The following FMN1 variants were observed in gnomAD, a reference collection of about 807,000 sequenced individuals.
The protein encoded by FMN1 is formin-1.
Under a neutral mutation model 132.4 loss-of-function variants are expected in FMN1, and 110 were observed. That is an observed-to-expected ratio of 0.83 (90% CI 0.71 to 0.97). FMN1 has a LOEUF of 0.97. FMN1 is among the 50% of genes least tolerant of loss of function. The pLI, the probability that FMN1 is intolerant of heterozygous loss-of-function variation, is 0.00. For missense variants in FMN1, 1,792 were observed against 1,705.3 expected, an observed-to-expected ratio of 1.05 and a Z score of -0.90; for synonymous variants, 722 against 651.7, an observed-to-expected ratio of 1.11 and a Z score of -1.64.
intron 5 of FMN1, among the ~76,000 whole-genome samples, chr15:33,072,932 A>C (rs559381257): frequency 5.1e-4 from 78 of 152,014 alleles, no homozygotes; most frequent in African/African-American, 1.3e-3. Context: ...CAAAAAAAAA[A>C]AAAAACAAAA....
chr15:32,995,213 G>A (rs903453110), intron 7 of FMN1, among the ~76,000 whole-genome samples: 5 of 152,104 alleles, frequency 3.3e-5, no homozygotes, highest in Non-Finnish European at 5.9e-5. Flanking sequence ...ATCAAAACAA[G>A]TAGAAGTGTA....
chr15:32,964,367 C>T (rs138422006), intron 8 of FMN1, 110 bp from the exon 9 acceptor site: 1 of 796,244 alleles, frequency 1.3e-6, no homozygotes, highest in East Asian at 2.5e-5. Context: ...TAAAAAAACA[C>T]ATAAAACTCT....
chr15:33,157,402 T>C (rs1595579631), intron 3 of FMN1, among the ~76,000 whole-genome samples: 1 of 152,170 alleles, frequency 6.6e-6, no homozygotes, highest in Non-Finnish European at 1.5e-5. Context: ...TATATTTTCA[T>C]TTTGTTATCT....
At chr15:33,017,813 C>T (rs1470202980) in intron 6 of FMN1, among the ~76,000 whole-genome samples, 1 of 147,570 alleles carries the variant, frequency 6.8e-6, no homozygotes, top group Admixed American at 6.7e-5. Context: ...GCCCGTAATC[C>T]CAGCACTTTG....
intron 4 of FMN1, among the ~76,000 whole-genome samples, chr15:33,126,912 G>A (rs913701588): frequency 3.9e-5 from 6 of 152,170 alleles, no homozygotes; most frequent in Non-Finnish European, 8.8e-5. Context: ...TGGGATAAAC[G>A]TTTCATCTTG....
intron 5 of FMN1, among the ~76,000 whole-genome samples, chr15:33,069,253 C>G (rs1398782338): frequency 6.6e-6 from 1 of 152,128 alleles, no homozygotes; most frequent in Admixed American, 6.5e-5. Flanking sequence ...AAATTGCAGC[C>G]CTGTTTCCTA....
intron 4 of FMN1, among the ~76,000 whole-genome samples, chr15:33,115,032 T>C (rs543009964): frequency 6.6e-6 from 1 of 152,300 alleles, no homozygotes; most frequent in Admixed American, 6.5e-5. Context: ...TATAGAGTCC[T>C]CAAGACTTCA....
chr15:32,909,955 A>AC (rs2060517584), intron 11 of FMN1, among the ~76,000 whole-genome samples: 1 of 152,184 alleles, frequency 6.6e-6, no homozygotes, highest in African/African-American at 2.4e-5. Context: ...AGTTTAAGTA[A>AC]CTAGCCCAAG....
intron 9 of FMN1, among the ~76,000 whole-genome samples, chr15:32,958,294 A>C (rs1210037345): frequency 6.6e-6 from 1 of 152,162 alleles, no homozygotes; most frequent in African/African-American, 2.4e-5. Context: ...ACCCGAATAA[A>C]AGTTGATACT....
chr15:32,931,849 A>C (rs1012849302), intron 9 of FMN1, among the ~76,000 whole-genome samples: 12 of 152,192 alleles, frequency 7.9e-5, no homozygotes, highest in African/African-American at 1.2e-4. Flanking sequence ...TATGGTCTTT[A>C]TTTCTTTCTA....
intron 6 of FMN1, among the ~76,000 whole-genome samples, chr15:33,050,825 C>G (rs1488211379): frequency 2.0e-5 from 3 of 152,200 alleles, no homozygotes; most frequent in African/African-American, 7.2e-5. Flanking sequence ...TTCATTACTA[C>G]AGGCATAGGT....
intron 19 of FMN1, among the ~76,000 whole-genome samples, chr15:32,793,067 T>C (rs1258753): frequency 6.6e-6 from 1 of 152,016 alleles, no homozygotes; most frequent in African/African-American, 2.4e-5. Context: ...ATCATTCTTT[T>C]AAAAGAAGTT....
At chr15:33,070,504 C>G (rs941445378) in intron 5 of FMN1, among the ~76,000 whole-genome samples, 8 of 151,136 alleles carry the variant, frequency 5.3e-5, no homozygotes, top group Admixed American at 4.6e-4. Context: ...GGAACAGATG[C>G]TGGAAGGGGC....
chr15:33,119,412 G>A (rs981395973), intron 4 of FMN1, among the ~76,000 whole-genome samples: 4 of 152,172 alleles, frequency 2.6e-5, no homozygotes, highest in African/African-American at 9.7e-5. Context: ...TGGGAGGAAG[G>A]AGAATGTGGG....
intron 4 of FMN1, among the ~76,000 whole-genome samples, chr15:33,126,553 A>C (rs1963092367): frequency 6.6e-6 from 1 of 151,936 alleles, no homozygotes; most frequent in South Asian, 2.1e-4. Context: ...AACTCCATAG[A>C]TTTAGCTGAA....
At chr15:33,101,457 C>T (rs1230895110) in intron 4 of FMN1, among the ~76,000 whole-genome samples, 2 of 144,740 alleles carry the variant, frequency 1.4e-5, no homozygotes, top group African/African-American at 5.7e-5. Flanking sequence ...AGCTGATGAG[C>T]TTAAGAAAAA....
At chr15:33,000,990 A>C (rs1302943228) in intron 7 of FMN1, among the ~76,000 whole-genome samples, 3 of 152,164 alleles carry the variant, frequency 2.0e-5, no homozygotes, top group Non-Finnish European at 4.4e-5. Flanking sequence ...ACCCTTAAAG[A>C]ATAAATCCAC....
chr15:32,925,280 A>G (rs1404871341), intron 10 of FMN1, among the ~76,000 whole-genome samples: 1 of 152,246 alleles, frequency 6.6e-6, no homozygotes, highest in Admixed American at 6.5e-5. Flanking sequence ...TTGAAATAAT[A>G]AATCCAGGCA....
chr15:33,027,726 AAAC>A (rs2035748286), intron 6 of FMN1, among the ~76,000 whole-genome samples: 1 of 152,214 alleles, frequency 6.6e-6, no homozygotes, highest in Non-Finnish European at 1.5e-5. Flanking sequence ...TGAACGGGAT[AAAC>A]AATAAAAGAA....
Sources: allele counts gnomAD v4.1 joint callset (sites outside exome capture counted in the v4.1 genomes callset), GRCh38; gene constraint gnomAD v4.1.1; transcripts MANE v1.5; gene names NCBI Gene and HGNC (gene_info 2026-07-23, HGNC 2026-07-21).